Variants in GLRX observed in about 807,000 individuals in gnomAD.
The protein encoded by GLRX is glutaredoxin.
Under a neutral mutation model 11.1 loss-of-function variants are expected in GLRX, and 9 were observed. The observed-to-expected ratio is 0.81, with a 90% CI of 0.49 to 1.42. GLRX has a LOEUF of 1.42. Among genes scored for constraint, GLRX ranks in the 40% most tolerant of loss-of-function variants. The probability of loss-of-function intolerance (pLI) is 0.00; values close to 1 mark genes in which losing one functional copy is unlikely to be tolerated. For missense variants in GLRX, 102 were observed against 126.2 expected, an observed-to-expected ratio of 0.81 and a Z score of 0.92; for synonymous variants, 49 against 49.5, an observed-to-expected ratio of 0.99 and a Z score of 0.04.
rs189334113 is a variant in GLRX at position 95,814,277 on chromosome 5, C to T, written c.*119G>A. 1 of 152,804 alleles carries T rather than the reference C, an allele frequency of 6.5e-6. No homozygotes were observed. Among genetic ancestry groups the T allele is most frequent in the Non-Finnish European group, 1.5e-5 (1 of 68,046 alleles). The allele number at this position is 152,804 out of a possible 1,614,324, so 9.5% of individuals were successfully genotyped here. A position where few individuals can be genotyped will look rare whatever the true frequency, so the allele number is the denominator to read the frequency against. Reference sequence around the variant, plus strand: ...AGAGTGTTCCGCATGACCACAGCCTCTGCACTTGTGCCTCTGATCCATATG... The same window carrying T: ...AGAGTGTTCCGCATGACCACAGCCTTTGCACTTGTGCCTCTGATCCATATG... On this transcript the variant is annotated 3_prime_UTR_variant, in exon 3 of 3. Transcript: ENST00000237858.
At chr5:95,817,817 A>G (rs1324202283) in intron 1 of GLRX, 3 of 152,218 alleles carry the variant, frequency 2.0e-5, no homozygotes, top group Non-Finnish European at 4.4e-5. Flanking sequence ...GGAGAGGTGG[A>G]GGCAGAAAGC....
intron 1 of GLRX, among the ~76,000 whole-genome samples, chr5:95,821,054 G>C (rs6890048): frequency 0.19 from 29,045 of 151,132 alleles, 2,913 homozygotes; most frequent in South Asian, 0.29. Flanking sequence ...AGTGAGCCAA[G>C]ATTGCACCAT....
chr5:95,820,970 G>T (rs892703387), intron 1 of GLRX, among the ~76,000 whole-genome samples: 3 of 152,106 alleles, frequency 2.0e-5, no homozygotes, highest in Admixed American at 2.0e-4. Flanking sequence ...ACAAAAATTA[G>T]CTGGGCATGG....
intron 1 of GLRX, among the ~76,000 whole-genome samples, chr5:95,819,890 T>G (rs1176330521): frequency 2.6e-5 from 2 of 78,076 alleles, no homozygotes; most frequent in Admixed American, 2.1e-4. Flanking sequence ...AGAGGGAGAC[T>G]CCGTCTCAAA....
chr5:95,821,337 A>G (rs895833567), intron 1 of GLRX, among the ~76,000 whole-genome samples: 7 of 152,118 alleles, frequency 4.6e-5, no homozygotes, highest in Non-Finnish European at 1.0e-4. Flanking sequence ...CATCCTATGC[A>G]GCTGGTGGTC....
intron 1 of GLRX, 176 bp downstream of exon 1, chr5:95,822,280 G>C: frequency 3.3e-6 from 2 of 610,060 alleles, no homozygotes; most frequent in East Asian, 2.8e-5. Flanking sequence ...CAGTGCCGCC[G>C]CTCATTCAAG....
chr5:95,822,616 AC>A lies in GLRX; in HGVS notation c.46del (p.Val16LeufsTer65). The stretch of plus-strand genomic sequence containing the variant: ...CGGGCAGGTGGGCTTGATGAACACA[AC>A]CACCTTCCCAGGCTGGATTTTGCAG... ...VNCKIQPGKV[V>X]VFIKPTCPYC... On this transcript the variant is annotated frameshift_variant, in exon 1 of 3. Coordinates refer to ENST00000237858, the MANE Select transcript of GLRX (RefSeq NM_001118890.2). LOFTEE classifies it high-confidence loss of function. The A allele has an allele frequency of 6.2e-7, 1 of 1,613,846 alleles. No individual in the cohort carries two copies.
rs1167285693 is a variant in GLRX, at chr5:95,814,194, G to T, written c.*202C>A. 6.6e-6 allele frequency: 1 copy of T among 152,592 alleles called. No individual in the cohort carries two copies. Among genetic ancestry groups the T allele is most frequent in the Non-Finnish European group, 1.5e-5 (1 of 68,026 alleles). The allele number at this position is 152,592 out of a possible 1,614,324, so 9.5% of individuals were successfully genotyped here. On this transcript the variant is annotated 3_prime_UTR_variant, in exon 3 of 3. Coordinates refer to ENST00000237858, the MANE Select transcript of GLRX (RefSeq NM_001118890.2). ...TTTCATGCTTTAATCTTTGCTGGTA[G>T]TCTAAATAAAATAAATACACAGTGT...
rs1747297924 is a variant in GLRX, at chr5:95,822,700, T to C, written c.-38A>G. The C allele has an allele frequency of 2.6e-6, 4 of 1,555,158 alleles. No homozygotes were observed. Among genetic ancestry groups the C allele is most frequent in the East Asian group, 4.5e-5 (2 of 44,386 alleles). On this transcript the variant is annotated 5_prime_UTR_variant, in exon 1 of 3. Coordinates refer to ENST00000237858, the MANE Select transcript of GLRX (RefSeq NM_001118890.2). The stretch of plus-strand genomic sequence containing the variant: ...CGGTCTCCCCGGGAAGAATCCTCAG[T>C]TGCAGGTATTGCTTGGGGTATTGAG...
chr5:95,818,798 G>C (rs954473881), intron 1 of GLRX: 1 of 152,234 alleles, frequency 6.6e-6, no homozygotes, highest in Admixed American at 6.5e-5. Flanking sequence ...ATCTCACACC[G>C]AGTACCAGTC....
chr5:95,819,412 TTCAGAAAC>T (rs1452920368), intron 1 of GLRX: 1 of 152,212 alleles, frequency 6.6e-6, no homozygotes, highest in Non-Finnish European at 1.5e-5. Context: ...AATGATATAG[TTCAGAAAC>T]TCAGATCTAT....
intron 1 of GLRX, chr5:95,818,216 G>C (rs533154735): frequency 6.6e-6 from 1 of 152,244 alleles, no homozygotes; most frequent in African/African-American, 2.4e-5. Context: ...CTCTAGTCTG[G>C]ACAACTGCAA....
Position 95,822,505 on chromosome 5 carries a change from T to C in GLRX, c.158A>G (p.His53Arg), listed in dbSNP as rs763830002. 3.1e-6 allele frequency: 5 copies of C among 1,613,862 alleles called. No homozygotes were observed. In the African/African-American group the frequency reaches 5.3e-5, roughly 17 times the overall value. The change falls in exon 1 of 3, where the codon CAC becomes CGC. Residue 53 changes from histidine to arginine, a missense_variant. His to Arg is a conservative substitution (Grantham distance 29). Transcript: ENST00000237858. ...LEFVDITATNHTNEIQDYLQQ... is the reference protein window; with the variant it reads ...LEFVDITATNRTNEIQDYLQQ... The stretch of plus-strand genomic sequence containing the variant: ...CAAATAATCTTGAATCTCGTTAGTG[T>C]GGTTGGTGGCTGTGATATCGACAAA...
At chr5:95,816,435 G>T in intron 2 of GLRX, 72 bp downstream of exon 2, 1 of 791,796 alleles carries the variant, frequency 1.3e-6, no homozygotes, top group South Asian at 1.4e-5. Flanking sequence ...CTGTCATACA[G>T]TATAACAAAC....
At position 95,820,367 on chromosome 5, in the gene GLRX, A is replaced by AAC. The variant is rs1240100585; in HGVS notation, c.207+2088_207+2089insGT. ...CTCTGTCTCTTAAAAAAAAAAAAAA[A>AAC]AAAAAAAACCTTAAAAGATTACTAC... On this transcript the variant is annotated intron_variant, in intron 1 of 2. Transcript: ENST00000237858. Among the ~76,000 whole-genome samples, 458 of 150,820 alleles carry AAC rather than the reference A, an allele frequency of 3.0e-3. 2 individuals are homozygous for AAC. Among genetic ancestry groups the AAC allele is most frequent in the African/African-American group, 9.9e-3 (405 of 41,102 alleles).
At chr5:95,820,944 C>T (rs181359906) in intron 1 of GLRX, among the ~76,000 whole-genome samples, 5 of 152,106 alleles carry the variant, frequency 3.3e-5, no homozygotes, top group African/African-American at 9.6e-5. Context: ...GGTGAAACCC[C>T]GTCTCTACTA....
chr5:95,822,693 T>A lies in GLRX; in HGVS notation c.-31A>T, dbSNP rs1407124080. On this transcript the variant is annotated 5_prime_UTR_variant, in exon 1 of 3. Coordinates refer to ENST00000237858, the MANE Select transcript of GLRX (RefSeq NM_001118890.2). Reference sequence around the variant, plus strand: ...TGGGCTGCGGTCTCCCCGGGAAGAATCCTCAGTTGCAGGTATTGCTTGGGG... The same window carrying A: ...TGGGCTGCGGTCTCCCCGGGAAGAAACCTCAGTTGCAGGTATTGCTTGGGG... 5 of 1,587,952 alleles carry A rather than the reference T, an allele frequency of 3.1e-6. No individual in the cohort carries two copies. Among genetic ancestry groups the A allele is most frequent in the Non-Finnish European group, 4.3e-6 (5 of 1,157,412 alleles).
intron 1 of GLRX, among the ~76,000 whole-genome samples, chr5:95,820,015 A>G (rs1441888364): frequency 6.6e-6 from 1 of 151,850 alleles, no homozygotes; most frequent in African/African-American, 2.4e-5. Flanking sequence ...CCCTAGGAGG[A>G]ATGCACTCAG....
intron 1 of GLRX, among the ~76,000 whole-genome samples, chr5:95,819,779 G>C (rs537019132): frequency 5.9e-5 from 9 of 151,484 alleles, no homozygotes; most frequent in Non-Finnish European, 1.3e-4. Context: ...GACGCCTGTA[G>C]TCCCAGCTAC....
Sources: allele counts gnomAD v4.1 joint callset (sites outside exome capture counted in the v4.1 genomes callset), GRCh38; gene constraint gnomAD v4.1.1; transcripts MANE v1.5; gene names NCBI Gene and HGNC (gene_info 2026-07-23, HGNC 2026-07-21).